The following UMODL1 variants were observed in gnomAD, a reference collection of about 807,000 sequenced individuals.
The protein encoded by UMODL1 is uromodulin like 1.
A neutral mutation model predicts 136.3 loss-of-function variants in UMODL1; 128 were observed. That is an observed-to-expected ratio of 0.94 (90% CI 0.81 to 1.09). UMODL1 has a LOEUF of 1.09. Ranked by LOEUF, UMODL1 falls within the 50% of genes least tolerant of loss-of-function variation. The probability of loss-of-function intolerance (pLI) is 0.00; values close to 1 mark genes in which losing one functional copy is unlikely to be tolerated. For synonymous variants in UMODL1, 721 were observed against 720.0 expected, an observed-to-expected ratio of 1.00 and a Z score of -0.02; for missense variants, 1,766 against 1,725.6, an observed-to-expected ratio of 1.02 and a Z score of -0.41.
At chr21:42,075,901 AG>A in intron 1 of UMODL1, 103 bp from the exon 2 acceptor site, 3 of 1,517,366 alleles carry the variant, frequency 2.0e-6, no homozygotes, top group Non-Finnish European at 2.7e-6. Context: ...CGAGTGCGGG[AG>A]GTGTGCTCTC....
At chr21:42,134,893 G>A (rs2067184402) in intron 21 of UMODL1, among the ~76,000 whole-genome samples, 1 of 152,068 alleles carries the variant, frequency 6.6e-6, no homozygotes, top group African/African-American at 2.4e-5. Context: ...CAAGGTTCTG[G>A]GATTATAGGC....
At chr21:42,117,348 C>T (rs577958473) in intron 14 of UMODL1, among the ~76,000 whole-genome samples, 5 of 152,196 alleles carry the variant, frequency 3.3e-5, no homozygotes, top group Non-Finnish European at 5.9e-5. Flanking sequence ...GCGCACTGGG[C>T]GGCTCCCGCC....
In UMODL1 at chr21:42,064,561, C is replaced by CT. The variant is rs199520031; in HGVS notation, c.-141+1354dup. 6.2e-3 allele frequency among the ~76,000 whole-genome samples: 941 copies of CT among 152,244 alleles called. 8 individuals carry two copies. Among genetic ancestry groups the CT allele is most frequent in the African/African-American group, 0.021 (855 of 41,538 alleles). Reference sequence around the variant, plus strand: ...AATCACAAATTTCTTTCTTTCTTTTCTTTTTTTCTTTTGAGACAGAGTTTC... The same window carrying CT: ...AATCACAAATTTCTTTCTTTCTTTTCTTTTTTTTCTTTTGAGACAGAGTTTC... On this transcript the variant is annotated intron_variant, in intron 1 of 22. Coordinates refer to the UMODL1 transcript ENST00000400424.
At chr21:42,109,756 G>A in intron 10 of UMODL1, 57 bp downstream of exon 10, 2 of 1,579,544 alleles carry the variant, frequency 1.3e-6, no homozygotes, top group Non-Finnish European at 1.7e-6. Flanking sequence ...GAATCTGGGG[G>A]TGGGGCAAAG....
chr21:42,090,377 G>T lies in UMODL1; in HGVS notation c.870G>T (p.Trp290Cys). The T allele has an allele frequency of 1.2e-6, 2 of 1,614,044 alleles. No homozygotes were observed. Among genetic ancestry groups the T allele is most frequent in the Non-Finnish European group, 1.7e-6 (2 of 1,179,958 alleles). Residue 290 changes from tryptophan (W) to cysteine (C), a missense_variant, in exon 6 of 23, where the codon TGG becomes TGT. Coordinates refer to ENST00000408910, the MANE Select transcript of UMODL1 (RefSeq NM_001004416.3). ...ELCANLEGSY[W>C]CVCHQEAPAT... is the part of the protein sequence containing the mutation. Reference sequence around the variant, plus strand: ...GCGCAAACCTGGAGGGCTCGTACTGGTGCGTCTGTCACCAGGAAGCTCCAG... The same window carrying T: ...GCGCAAACCTGGAGGGCTCGTACTGTTGCGTCTGTCACCAGGAAGCTCCAG...
intron 20 of UMODL1, chr21:42,128,123 C>T (rs900435168): frequency 1.8e-6 from 1 of 550,088 alleles, no homozygotes; most frequent in South Asian, 1.5e-5. Context: ...CACTGCCTTG[C>T]CATGATACCT....
intron 21 of UMODL1, among the ~76,000 whole-genome samples, chr21:42,130,641 T>A (rs2067122230): frequency 6.6e-6 from 1 of 152,120 alleles, no homozygotes; most frequent in East Asian, 1.9e-4. Flanking sequence ...GACACGTAAG[T>A]GGAAAAGTCA....
chr21:42,132,591 T>TCCAC (rs1406985352), intron 21 of UMODL1, among the ~76,000 whole-genome samples: 1 of 151,658 alleles, frequency 6.6e-6, no homozygotes, highest in East Asian at 2.0e-4. Flanking sequence ...CATTAATCCA[T>TCCAC]CCACCCACCC....
At position 42,109,596 on chromosome 21, in the gene UMODL1, C is replaced by CT. The variant is rs1165562162; in HGVS notation, c.1555dup (p.Cys519LeufsTer34). ...AGTGTGTGGACAGCGCGGAACACGA[C>CT]TGCTCACCGGCTGCCTGGTGCATCA... On this transcript the variant is annotated frameshift_variant, in exon 10 of 23. Transcript: ENST00000408910. LOFTEE classifies it high-confidence loss of function. 6.2e-7 allele frequency: 1 copy of CT among 1,611,776 alleles called. No individual in the cohort carries two copies. The highest frequency in any genetic ancestry group is 8.5e-7 in the Non-Finnish European group (1 of 1,180,022).
intron 9 of UMODL1, among the ~76,000 whole-genome samples, chr21:42,106,208 G>A (rs2066714964): frequency 6.6e-6 from 1 of 152,194 alleles, no homozygotes; most frequent in African/African-American, 2.4e-5. Flanking sequence ...ATGGGGCACC[G>A]CCCCTGCCTG....
intron 6 of UMODL1, among the ~76,000 whole-genome samples, chr21:42,094,874 C>T (rs1414323712): frequency 6.6e-6 from 1 of 151,882 alleles, no homozygotes; most frequent in African/African-American, 2.4e-5. Flanking sequence ...TAACAAAGGC[C>T]CATGAACTGG....
At chr21:42,097,748 C>T (rs984287245) in intron 6 of UMODL1, among the ~76,000 whole-genome samples, 6 of 152,058 alleles carry the variant, frequency 3.9e-5, no homozygotes, top group Non-Finnish European at 7.4e-5. Context: ...AATTTTGGTG[C>T]GTAGACTGGG....
Position 42,126,440 on chromosome 21 carries a change from C to T in UMODL1, c.3243C>T (p.Cys1081=), listed in dbSNP as rs533438623. The change falls in exon 18 of 23, where the codon TGC becomes TGT. Residue 1081 remains cysteine, a synonymous_variant. Transcript: ENST00000408910. The part of the protein sequence containing the change: ...HHLKILSPIY[C]AFQNDLLTSS... ...TGAAGATCCTGAGCCCCATCTACTGCGCCTTCCAGAATGACCTGCTGACAT... is the reference window on the plus strand; with the variant it reads ...TGAAGATCCTGAGCCCCATCTACTGTGCCTTCCAGAATGACCTGCTGACAT... 38 of 1,614,124 alleles carry T rather than the reference C, an allele frequency of 2.4e-5. No individual in the cohort carries two copies. The highest frequency in any genetic ancestry group is 2.7e-5 in the Non-Finnish European group (32 of 1,180,046).
upstream of UMODL1, among the ~76,000 whole-genome samples, chr21:42,069,229 A>ACACACACAC (rs2066208132): frequency 7.3e-6 from 1 of 136,304 alleles, no homozygotes; most frequent in Non-Finnish European, 1.6e-5. Context: ...CACAGACAGA[A>ACACACACAC]ACACACACAC....
chr21:42,107,289 C>T (rs888917612), intron 9 of UMODL1, among the ~76,000 whole-genome samples: 7 of 152,332 alleles, frequency 4.6e-5, no homozygotes, highest in South Asian at 2.1e-4. Flanking sequence ...GGACTCCCAC[C>T]GGCATCCTTC....
chr21:42,080,091 G>T (rs1249378677), intron 2 of UMODL1, among the ~76,000 whole-genome samples: 2 of 152,208 alleles, frequency 1.3e-5, no homozygotes. Flanking sequence ...GGCGCCTGTG[G>T]TGGGCGGATT....
intron 8 of UMODL1, 122 bp downstream of exon 8, chr21:42,102,400 A>T: frequency 1.4e-6 from 1 of 739,524 alleles, no homozygotes; most frequent in Non-Finnish European, 2.2e-6. Context: ...ATGTTACTGC[A>T]GCTTCAGGGG....
At chr21:42,110,152 C>G (rs1254593341) in intron 10 of UMODL1, among the ~76,000 whole-genome samples, 2 of 152,196 alleles carry the variant, frequency 1.3e-5, no homozygotes, top group Non-Finnish European at 2.9e-5. Flanking sequence ...CCGCTGAGCT[C>G]TAGTCCTGCT....
In UMODL1 at chr21:42,122,753, C is replaced by A; in HGVS notation, c.2828-78C>A. The A allele has an allele frequency of 6.9e-7, 1 of 1,440,260 alleles. No homozygotes were observed. The highest frequency in any genetic ancestry group is 1.4e-5 in the South Asian group (1 of 71,060). The allele number at this position is 1,440,260 out of a possible 1,614,324, so 89.2% of individuals were successfully genotyped here. On this transcript the variant is annotated intron_variant, in intron 16 of 22. Coordinates refer to ENST00000408910, the MANE Select transcript of UMODL1 (RefSeq NM_001004416.3). This position sits in a 1 kb window ranked among gnomAD's most constrained non-coding sequence, Gnocchi z 4.3. ...CTGCAGAGTGCAGGGCAGCTCCAGT[C>A]TGCTCCTTACCCCTGCCCCTCCATG...
Sources: allele counts gnomAD v4.1 joint callset (sites outside exome capture counted in the v4.1 genomes callset), GRCh38; gene constraint gnomAD v4.1.1; non-coding constraint Gnocchi (gnomAD v3.1); transcripts MANE v1.5; gene names NCBI Gene and HGNC (gene_info 2026-07-23, HGNC 2026-07-21).